Variants in UBA5 observed in about 807,000 individuals in gnomAD.
UBA5 encodes ubiquitin-like modifier-activating enzyme 5.
UBA5 carries 28 observed loss-of-function variants against 52.9 expected under a neutral mutation model. The ratio of observed to expected loss-of-function variants is 0.53; its 90% CI spans 0.39 to 0.73. The LOEUF (loss-of-function observed/expected upper bound fraction) is 0.73, where lower values mean the gene tolerates loss of function less well. UBA5 is among the 30% of genes least tolerant of loss of function. The probability of loss-of-function intolerance (pLI) is 0.00; values close to 1 mark genes in which losing one functional copy is unlikely to be tolerated. For missense variants in UBA5, 388 were observed against 492.7 expected, an observed-to-expected ratio of 0.79 and a Z score of 2.01; for synonymous variants, 135 against 162.1, an observed-to-expected ratio of 0.83 and a Z score of 1.27.
At chr3:132,673,002 T>C (rs980325748) in intron 8 of UBA5, among the ~76,000 whole-genome samples, 5 of 152,134 alleles carry the variant, frequency 3.3e-5, no homozygotes, top group Non-Finnish European at 5.9e-5. Flanking sequence ...AAGAACAAAC[T>C]GCAACAAGAC....
At position 132,675,888 on chromosome 3, in the gene UBA5, G is replaced by A; in HGVS notation, c.1096G>A (p.Glu366Lys). The change falls in exon 11 of 12, where the codon GAA becomes AAA. Residue 366 changes from glutamate to lysine, a missense_variant. Physicochemically the swap from Glu to Lys is moderately conservative, Grantham distance 56. Transcript: ENST00000356232. ...TTCAGGTCCAGTTCCAGACTTACCT[G>A]AAGGAATTACAGTGGCATACACAAT... ...NFSGPVPDLP[E>K]GITVAYTIPK... 6.2e-7 allele frequency: 1 copy of A among 1,611,494 alleles called. No homozygotes were observed. The highest frequency in any genetic ancestry group is 8.5e-7 in the Non-Finnish European group (1 of 1,179,052).
At chr3:132,663,422 A>T (rs1350110031) in intron 1 of UBA5, among the ~76,000 whole-genome samples, 1 of 152,168 alleles carries the variant, frequency 6.6e-6, no homozygotes, top group African/African-American at 2.4e-5. Flanking sequence ...GGAAGGGGTA[A>T]ACTGATTGTT....
At chr3:132,667,306 G>A (rs776731396) in intron 3 of UBA5, 6 of 152,140 alleles carry the variant, frequency 3.9e-5, no homozygotes, top group Non-Finnish European at 7.4e-5. Context: ...GCTAGACCAC[G>A]CCATTTTGAG....
chr3:132,659,448 G>A, upstream of UBA5: 3 of 1,040,862 alleles, frequency 2.9e-6, no homozygotes, highest in Non-Finnish European at 4.1e-6. Flanking sequence ...GAATTCGGAG[G>A]GCCGGCAATA....
intron 3 of UBA5, among the ~76,000 whole-genome samples, chr3:132,666,913 T>C (rs1938400629): frequency 6.6e-6 from 1 of 152,146 alleles, no homozygotes; most frequent in South Asian, 2.1e-4. Context: ...ATAATAGAGA[T>C]TATTGAGATT....
rs2305629 is a variant in UBA5 at position 132,675,712 on chromosome 3, T to C, written c.1024+32T>C. On this transcript the variant is annotated intron_variant, in intron 10 of 11. Coordinates refer to ENST00000356232, the MANE Select transcript of UBA5 (RefSeq NM_024818.6). ...ATTCTTTTATAAATTGAAATGGCAGTATAAAACAAAACCTTTTATGGTAGC... is the reference window on the plus strand; with the variant it reads ...ATTCTTTTATAAATTGAAATGGCAGCATAAAACAAAACCTTTTATGGTAGC... 0.31 allele frequency: 482,221 copies of C among 1,566,308 alleles called. 87,079 individuals are homozygous for C. Among genetic ancestry groups the C allele is most frequent in the East Asian group, 0.76 (33,674 of 44,516 alleles).
intron 1 of UBA5, among the ~76,000 whole-genome samples, chr3:132,661,916 T>G (rs1398281646): frequency 6.6e-6 from 1 of 152,214 alleles, no homozygotes; most frequent in Non-Finnish European, 1.5e-5. Context: ...CGGTTAATGG[T>G]CCAGAATTTT....
rs1938847709 is a variant in UBA5, at chr3:132,676,537, G to A, written c.*11G>A. Reference sequence around the variant, plus strand: ...ATGAAGAATATGTAGATAATGGACTGGGATATATTGTATTTCTCATGTTAA... The same window carrying A: ...ATGAAGAATATGTAGATAATGGACTAGGATATATTGTATTTCTCATGTTAA... On this transcript the variant is annotated 3_prime_UTR_variant, in exon 12 of 12. Transcript: ENST00000356232. The surrounding 1 kb of genome is among the most constrained non-coding windows in gnomAD (Gnocchi z 4.1). 2.5e-6 allele frequency: 4 copies of A among 1,577,904 alleles called. No homozygotes were observed. The highest frequency in any genetic ancestry group is 2.3e-5 in the South Asian group (2 of 85,600).
chr3:132,675,823 A>G lies in UBA5; in HGVS notation c.1031A>G (p.Glu344Gly). The G allele has an allele frequency of 6.2e-7, 1 of 1,609,446 alleles. No individual in the cohort carries two copies. The highest frequency in any genetic ancestry group is 8.5e-7 in the Non-Finnish European group (1 of 1,178,096). Reference protein sequence around the residue: ...IIHEDNEWGIELVSEVSEEEL... With the variant: ...IIHEDNEWGIGLVSEVSEEEL... ...CATAGGATCAAATTTACAGGTATTG[A>G]GCTGGTATCTGAGGTTTCAGAAGAG... The change falls in exon 11 of 12, where the codon GAG becomes GGG. Residue 344 changes from glutamate to glycine, a missense_variant. Coordinates refer to ENST00000356232, the MANE Select transcript of UBA5 (RefSeq NM_024818.6).
Position 132,676,763 on chromosome 3 carries a change from T to C in UBA5, c.*237T>C. 1.8e-6 allele frequency: 1 copy of C among 563,040 alleles called. No individual in the cohort carries two copies. The highest frequency in any genetic ancestry group is 4.1e-5 in the East Asian group (1 of 24,624). The allele number at this position is 563,040 out of a possible 1,614,324, so 34.9% of individuals were successfully genotyped here. ...AAACCTCAAAGGATATTGTAGGATA[T>C]AAATCTTACTTGAAAACATAGCTGT... is the stretch of plus-strand genomic sequence containing the variant. On this transcript the variant is annotated 3_prime_UTR_variant, in exon 12 of 12. Coordinates refer to ENST00000356232, the MANE Select transcript of UBA5 (RefSeq NM_024818.6). The surrounding 1 kb of genome is among the most constrained non-coding windows in gnomAD (Gnocchi z 4.1).
chr3:132,660,367 C>T lies in UBA5; in HGVS notation c.-171C>T. On this transcript the variant is annotated 5_prime_UTR_variant, in exon 1 of 12. Coordinates refer to ENST00000356232, the MANE Select transcript of UBA5 (RefSeq NM_024818.6). The surrounding 1 kb of genome is among the most constrained non-coding windows in gnomAD (Gnocchi z 4.1). ...CTCCGAGGAAGGCCTGTGGGAGTCT[C>T]GGAGACGTGTCTGTCTGTGAGGCGC... 1 of 800,816 alleles carries T rather than the reference C, an allele frequency of 1.2e-6. No individual in the cohort carries two copies. Among genetic ancestry groups the T allele is most frequent in the South Asian group, 1.8e-5 (1 of 55,358 alleles). The allele number at this position is 800,816 out of a possible 1,614,324, so 49.6% of individuals were successfully genotyped here.
chr3:132,668,945 C>T lies in UBA5; in HGVS notation c.407+18C>T, dbSNP rs752886771. On this transcript the variant is annotated intron_variant, in intron 4 of 11. Transcript: ENST00000356232. Reference sequence around the variant, plus strand: ...ACTCTGAGGTAAATGGAATAGCAATCAAGTACCATATTCAGTGAAATCTTA... The same window carrying T: ...ACTCTGAGGTAAATGGAATAGCAATTAAGTACCATATTCAGTGAAATCTTA... The T allele has an allele frequency of 2.1e-6, 3 of 1,447,268 alleles. No homozygotes were observed. The highest frequency in any genetic ancestry group is 2.9e-6 in the Non-Finnish European group (3 of 1,045,836). 89.7% of individuals were successfully genotyped at this position (1,447,268 alleles called of 1,614,324 possible).
upstream of UBA5, among the ~76,000 whole-genome samples, chr3:132,657,866 C>CTTTTTTT (rs56190801): frequency 3.4e-5 from 4 of 119,166 alleles, no homozygotes; most frequent in African/African-American, 6.2e-5. Flanking sequence ...ACACATATTC[C>CTTTTTTT]TTTTTTTTTT....
At position 132,679,335 on chromosome 3, in the gene UBA5, T is replaced by C. The variant is rs905510352; in HGVS notation, c.*2809T>C. ...GTACTCTAACAATTCAGATTTATAA[T>C]TGAGTTGTCTGAAAGCTACCTTTTT... is the stretch of plus-strand genomic sequence containing the variant. On this transcript the variant is annotated 3_prime_UTR_variant, in exon 12 of 12. Coordinates refer to ENST00000356232, the MANE Select transcript of UBA5 (RefSeq NM_024818.6). Among the ~76,000 whole-genome samples, 1 of 152,140 alleles carries C rather than the reference T, an allele frequency of 6.6e-6. No individual in the cohort carries two copies. Among genetic ancestry groups the C allele is most frequent in the African/African-American group, 2.4e-5 (1 of 41,438 alleles).
At chr3:132,659,848 A>C (rs1938040831), upstream of UBA5, 33 of 1,431,188 alleles carry the variant, frequency 2.3e-5, no homozygotes, top group East Asian at 8.2e-4. Context: ...GCATGGGCCG[A>C]GGCCGGGGTG....
At chr3:132,673,434 A>G (rs1445684367) in intron 8 of UBA5, among the ~76,000 whole-genome samples, 1 of 151,984 alleles carries the variant, frequency 6.6e-6, no homozygotes, top group Non-Finnish European at 1.5e-5. Flanking sequence ...TGCAGCCTCA[A>G]CCTCCTGAGC....
In UBA5 at chr3:132,660,577, G is replaced by C. The variant is rs762794075; in HGVS notation, c.40G>C (p.Glu14Gln). ...SVERLQQRVQ[E>Q]LERELAQERS... ...GGAGCGCCTGCAGCAGCGGGTCCAG[G>C]AGCTGGAGCGGGAACTTGCCCAGGA... The change falls in exon 1 of 12, where the codon GAG becomes CAG. Residue 14 changes from glutamate to glutamine, a missense_variant. Physicochemically the swap from Glu to Gln is conservative, Grantham distance 29. This residue lies in a region of UBA5 where 95 missense variants were observed against 107.0 expected (regional missense o/e 0.89). Transcript: ENST00000356232. The surrounding 1 kb of genome is among the most constrained non-coding windows in gnomAD (Gnocchi z 4.1). 6.4e-7 allele frequency: 1 copy of C among 1,551,386 alleles called. No individual in the cohort carries two copies. Among genetic ancestry groups the C allele is most frequent in the African/African-American group, 1.4e-5 (1 of 73,230 alleles).
intron 5 of UBA5, 36 bp downstream of exon 5, chr3:132,670,320 C>A: frequency 1.2e-6 from 1 of 855,798 alleles, no homozygotes; most frequent in South Asian, 1.7e-5. Flanking sequence ...TGTATAATGT[C>A]CAGCTCAAGT....
At position 132,676,420 on chromosome 3, in the gene UBA5, G is replaced by T; in HGVS notation, c.1132-23G>T. ...AATTCTATATGGTTCTTTTTTCACTGTATTTCCCTTATTTGTCAATAGCAA... is the reference window on the plus strand; with the variant it reads ...AATTCTATATGGTTCTTTTTTCACTTTATTTCCCTTATTTGTCAATAGCAA... On this transcript the variant is annotated intron_variant, in intron 11 of 11. Coordinates refer to ENST00000356232, the MANE Select transcript of UBA5 (RefSeq NM_024818.6). The surrounding 1 kb of genome is among the most constrained non-coding windows in gnomAD (Gnocchi z 4.1). 1 of 1,578,820 alleles carries T rather than the reference G, an allele frequency of 6.3e-7. No individual in the cohort carries two copies. Among genetic ancestry groups the T allele is most frequent in the Admixed American group, 1.8e-5 (1 of 56,516 alleles).
Sources: gnomAD v4.1 joint callset for allele counts (sites outside exome capture counted in the v4.1 genomes callset) on GRCh38, gnomAD v4.1.1 for gene constraint, gnomAD v4.1.1 regional missense constraint, Gnocchi (gnomAD v3.1) non-coding constraint, MANE v1.5 for transcripts, NCBI Gene and HGNC (gene_info 2026-07-23, HGNC 2026-07-21) for gene names.